Variants in ITPR1 observed in about 807,000 individuals in gnomAD.
The protein encoded by ITPR1 is inositol 1,4,5-trisphosphate-gated calcium channel ITPR1.
A neutral mutation model predicts 318.4 loss-of-function variants in ITPR1; 96 were observed. The observed-to-expected ratio is 0.30, with a 90% CI of 0.26 to 0.36. ITPR1 has a LOEUF of 0.36. ITPR1 is among the 10% of genes least tolerant of loss of function. The pLI is 1.00. For missense variants in ITPR1, 2,440 were observed against 3,460.2 expected (o/e 0.71, Z 7.40); for synonymous variants, 1,312 against 1,289.9 (o/e 1.02, Z -0.37).
chr3:4,827,543 A>T (rs1472468), intron 60 of ITPR1, among the ~76,000 whole-genome samples: 55,365 of 152,052 alleles, frequency 0.36, 10,373 homozygotes, highest in South Asian at 0.42. Context: ...CATTTGTATG[A>T]GAAAGCTATA....
intron 54 of ITPR1, among the ~76,000 whole-genome samples, chr3:4,803,482 G>A (rs941406660): frequency 6.6e-6 from 1 of 152,174 alleles, no homozygotes; most frequent in Non-Finnish European, 1.5e-5. Context: ...CATTTACATC[G>A]TTGACCTACT....
chr3:4,729,736 C>T (rs2042769450), intron 42 of ITPR1, among the ~76,000 whole-genome samples: 1 of 152,178 alleles, frequency 6.6e-6, no homozygotes, highest in African/African-American at 2.4e-5. Context: ...TTTAATGTGA[C>T]ACTTATTACA....
intron 44 of ITPR1, among the ~76,000 whole-genome samples, chr3:4,758,096 TAACCTGAG>T (rs1223441421): frequency 6.6e-6 from 1 of 152,172 alleles, no homozygotes. Flanking sequence ...TTCTTGGCCT[TAACCTGAG>T]AACTTAAATC....
intron 40 of ITPR1, among the ~76,000 whole-genome samples, chr3:4,720,805 A>T (rs1257253047): frequency 1.3e-5 from 2 of 152,126 alleles, no homozygotes; most frequent in South Asian, 2.1e-4. Flanking sequence ...TAGAGGGGGA[A>T]ACAGGAGAAA....
At chr3:4,793,732 G>C (rs1192906216) in intron 52 of ITPR1, among the ~76,000 whole-genome samples, 2 of 152,182 alleles carry the variant, frequency 1.3e-5, no homozygotes, top group Non-Finnish European at 2.9e-5. Context: ...TGGATAACAA[G>C]ATCTCCACTG....
intron 20 of ITPR1, among the ~76,000 whole-genome samples, chr3:4,671,193 T>C (rs893790537): frequency 2.0e-5 from 3 of 152,158 alleles, no homozygotes; most frequent in Non-Finnish European, 4.4e-5. Context: ...CCCATAGATA[T>C]GGTGGTAGGT....
chr3:4,562,630 A>G (rs914767523), intron 4 of ITPR1, among the ~76,000 whole-genome samples: 7 of 152,072 alleles, frequency 4.6e-5, no homozygotes, highest in African/African-American at 1.7e-4. Flanking sequence ...ATTTTCCAGG[A>G]TCTTATAATT....
chr3:4,633,650 T>G (rs938934177), intron 5 of ITPR1, among the ~76,000 whole-genome samples: 1 of 152,254 alleles, frequency 6.6e-6, no homozygotes, highest in Admixed American at 6.5e-5. Context: ...CTCTTGGTCA[T>G]GTTTTCCTAA....
chr3:4,515,852 G>C (rs1447434749), intron 2 of ITPR1, among the ~76,000 whole-genome samples: 1 of 152,148 alleles, frequency 6.6e-6, no homozygotes, highest in African/African-American at 2.4e-5. Flanking sequence ...AGTGTTTCTT[G>C]GTGAAGGATG....
At chr3:4,558,475 T>C (rs188870674) in intron 4 of ITPR1, among the ~76,000 whole-genome samples, 30 of 152,160 alleles carry the variant, frequency 2.0e-4, no homozygotes, top group Admixed American at 1.9e-3. Flanking sequence ...AGTAAAAATA[T>C]AGACAATAGA....
intron 44 of ITPR1, among the ~76,000 whole-genome samples, chr3:4,758,166 G>C (rs1034538417): frequency 1.3e-5 from 2 of 152,176 alleles, no homozygotes; most frequent in Non-Finnish European, 2.9e-5. Flanking sequence ...GGCTAGATGG[G>C]TCAGGGCCAT....
intron 44 of ITPR1, among the ~76,000 whole-genome samples, chr3:4,754,609 C>G (rs375356505): frequency 4.6e-5 from 7 of 152,168 alleles, no homozygotes; most frequent in African/African-American, 1.4e-4. Context: ...TTGTTCATTC[C>G]TTCTTTATGG....
chr3:4,839,014 C>G (rs1303575064), intron 61 of ITPR1, among the ~76,000 whole-genome samples: 2 of 152,190 alleles, frequency 1.3e-5, no homozygotes, highest in African/African-American at 4.8e-5. Flanking sequence ...GTGAGTTGAG[C>G]TGAGGAATTA....
intron 4 of ITPR1, among the ~76,000 whole-genome samples, chr3:4,562,784 G>A (rs1184053055): frequency 6.6e-6 from 1 of 151,366 alleles, no homozygotes; most frequent in African/African-American, 2.4e-5. Flanking sequence ...CTAAGCACTG[G>A]AGATAGTGTT....
intron 40 of ITPR1, among the ~76,000 whole-genome samples, chr3:4,718,651 C>T (rs2041937168): frequency 6.6e-6 from 1 of 152,182 alleles, no homozygotes; most frequent in Admixed American, 6.5e-5. Context: ...TGTTCTACCA[C>T]AGTCAATTCC....
At chr3:4,793,894 G>A (rs961052621) in intron 52 of ITPR1, among the ~76,000 whole-genome samples, 1 of 152,096 alleles carries the variant, frequency 6.6e-6, no homozygotes, top group African/African-American at 2.4e-5. Flanking sequence ...AATTACCCAG[G>A]GCTCTATTTA....
Position 4,770,286 on chromosome 3 carries a change from A to T in ITPR1, c.5979+1522A>T, listed in dbSNP as rs530288080. Among the ~76,000 whole-genome samples, 6 of 152,324 alleles carry T rather than the reference A, an allele frequency of 3.9e-5. No homozygotes were observed. The East Asian group carries it at 1.2e-3, about 29-fold the overall frequency. On this transcript the variant is annotated intron_variant, in intron 46 of 61. Transcript: ENST00000649015. ...GAATTGCTCTCACTTAAAACTTGCC[A>T]CAGAGTCTATGCCTGGATTAGCTAA...
chr3:4,588,864 A>C (rs1393574619), intron 4 of ITPR1, among the ~76,000 whole-genome samples: 1 of 151,958 alleles, frequency 6.6e-6, no homozygotes, highest in Non-Finnish European at 1.5e-5. Flanking sequence ...TCCCTCCCTC[A>C]CACGTCACAT....
chr3:4,525,087 T>C (rs1400457419), intron 4 of ITPR1, among the ~76,000 whole-genome samples: 1 of 152,216 alleles, frequency 6.6e-6, no homozygotes, highest in African/African-American at 2.4e-5. Context: ...ATTGTTATTT[T>C]TTTTTTGTCT....
Sources: gnomAD v4.1 joint callset for allele counts (sites outside exome capture counted in the v4.1 genomes callset) on GRCh38, gnomAD v4.1.1 for gene constraint, MANE v1.5 for transcripts, NCBI Gene and HGNC (gene_info 2026-07-23, HGNC 2026-07-21) for gene names.